The following PPP2R3B variants were observed in gnomAD, a reference collection of about 807,000 sequenced individuals.
The protein encoded by PPP2R3B is protein phosphatase 2 regulatory subunit B''beta.
In PPP2R3B, 68 loss-of-function variants were observed where a neutral mutation model predicts 72.9. The ratio of observed to expected loss-of-function variants is 0.93; its 90% CI spans 0.77 to 1.14. The LOEUF (loss-of-function observed/expected upper bound fraction) is 1.14. Ranked by LOEUF, PPP2R3B falls within the 50% of genes most tolerant of loss-of-function variation. The pLI, the probability that PPP2R3B is intolerant of heterozygous loss-of-function variation, is 0.00. For missense variants in PPP2R3B, 1,018 were observed against 842.0 expected (o/e 1.21, Z -2.59); for synonymous variants, 466 against 375.8 (o/e 1.24, Z -2.78).
Position 341,814 on chromosome X carries a change from A to C in PPP2R3B, c.1085+69T>G, listed in dbSNP as rs985816941. 1.9e-6 allele frequency: 3 copies of C among 1,547,768 alleles called. No individual in the cohort carries two copies. The African/African-American group carries it at 4.1e-5, about 21-fold the overall frequency. On this transcript the variant is annotated intron_variant, in intron 8 of 12. Coordinates refer to ENST00000390665, the MANE Select transcript of PPP2R3B (RefSeq NM_013239.5). The stretch of plus-strand genomic sequence containing the variant: ...GGGCACAAAAAGCTCACGTCAGGCA[A>C]CGATGAGGAGAGGGACCGGGGTCCT...
At chrX:384,667 G>C (rs373258748) in intron 1 of PPP2R3B, among the ~76,000 whole-genome samples, 4 of 151,960 alleles carry the variant, frequency 2.6e-5, no homozygotes, top group Admixed American at 6.6e-5. Context: ...TCCACCAGCC[G>C]TAACTACAGC....
At chrX:344,011 G>A (rs1330666585) in intron 7 of PPP2R3B, among the ~76,000 whole-genome samples, 306 of 81,406 alleles carry the variant, frequency 3.8e-3, no homozygotes, top group Admixed American at 7.1e-3. Flanking sequence ...GGGAGACGTC[G>A]CCAAGGAGAG....
At chrX:338,203 G>A (rs2070942336) in intron 12 of PPP2R3B, 2 of 356,410 alleles carry the variant, frequency 5.6e-6, no homozygotes, top group Non-Finnish European at 1.1e-5. Context: ...GGCCTCTCAG[G>A]GCCTCCAAGG....
intron 2 of PPP2R3B, among the ~76,000 whole-genome samples, chrX:350,820 G>A (rs2071315212): frequency 6.6e-6 from 1 of 152,216 alleles, no homozygotes; most frequent in African/African-American, 2.4e-5. Flanking sequence ...CCCGTGGCCC[G>A]GCCAGGACAT....
At position 338,375 on chromosome X, in the gene PPP2R3B, C is replaced by T. The variant is rs1329142719; in HGVS notation, c.1577+229G>A. ...TCGCGCCCAGGATCACAGAACCCCA[C>T]GCGGGGAATGACGGGCAGACTGCAC... On this transcript the variant is annotated intron_variant, in intron 12 of 12. Coordinates refer to ENST00000390665, the MANE Select transcript of PPP2R3B (RefSeq NM_013239.5). The T allele has an allele frequency of 1.8e-4, 109 of 607,638 alleles. 3 individuals carry two copies. The highest frequency in any genetic ancestry group is 8.6e-4 in the South Asian group (45 of 52,110). The allele number at this position is 607,638 out of a possible 1,614,324, so 37.6% of individuals were successfully genotyped here.
At chrX:346,500 G>T in intron 5 of PPP2R3B, 1 of 632,158 alleles carries the variant, frequency 1.6e-6, no homozygotes, top group South Asian at 2.0e-5. Flanking sequence ...TGGGAAGGGG[G>T]TGCGGCCACC....
chrX:381,978 T>C (rs1464033246), intron 1 of PPP2R3B, among the ~76,000 whole-genome samples: 3 of 152,138 alleles, frequency 2.0e-5, no homozygotes, highest in African/African-American at 7.2e-5. Flanking sequence ...AAGTAAGCCA[T>C]AGGTTCCAAA....
chrX:345,646 C>T lies in PPP2R3B; in HGVS notation c.906G>A (p.Ala302=), dbSNP rs184294891. The T allele has an allele frequency of 3.3e-3, 5,326 of 1,612,852 alleles. 148 individuals carry two copies. In the African/African-American group the frequency reaches 0.063, roughly 19 times the overall value. ...LQNVALLEEE[A]DINQLTEFFS... is the part of the protein sequence containing the mutation. ...AGAATTCGGTCAGCTGGTTGATGTC[C>T]GCCTCCTCCTCCAGCAGCGCCACAT... Residue 302 remains alanine (A), a synonymous_variant, in exon 7 of 13, where the codon GCG becomes GCA. Transcript: ENST00000390665.
intron 7 of PPP2R3B, among the ~76,000 whole-genome samples, chrX:344,164 GGAGACCTCACCAACGGGAGGCGGGAGT>G (rs2071142435): frequency 6.1e-4 from 18 of 29,344 alleles, no homozygotes; most frequent in South Asian, 1.3e-3. Flanking sequence ...GAGGCGGGAG[GGAGACCTCACCAACGGGAGGCGGGAGT>G]GAGACCTCAG....
intron 1 of PPP2R3B, among the ~76,000 whole-genome samples, chrX:361,800 T>C (rs867156936): frequency 5.9e-5 from 9 of 152,136 alleles, no homozygotes; most frequent in South Asian, 4.2e-4. Flanking sequence ...CATGCTGCCA[T>C]GGACCCCACT....
Position 338,660 on chromosome X carries a change from G to T in PPP2R3B, c.1521C>A (p.Ala507=). ...CGGCCACCAGGATGTCGTACTCCTC[G>T]GCCGCGTACTTCTCCCAGTCCGAGA... ...PELSDWEKYA[A]EEYDILVAEE... is the part of the protein sequence containing the mutation. Residue 507 remains alanine, a synonymous_variant, in exon 12 of 13, where the codon GCC becomes GCA. Coordinates refer to ENST00000390665, the MANE Select transcript of PPP2R3B (RefSeq NM_013239.5). 6.2e-7 allele frequency: 1 copy of T among 1,611,270 alleles called. No individual in the cohort carries two copies. The highest frequency in any genetic ancestry group is 8.5e-7 in the Non-Finnish European group (1 of 1,179,628).
At chrX:353,856 G>GGGGGCTCACCCAGGGAGCA (rs1479841375) in intron 2 of PPP2R3B, among the ~76,000 whole-genome samples, 17,390 of 109,908 alleles carry the variant, frequency 0.16, 3,368 homozygotes, top group Admixed American at 0.26. Flanking sequence ...CCCAGGGACC[G>GGGGGCTCACCCAGGGAGCA]GGGGCTCACC....
chrX:338,402 G>T lies in PPP2R3B; in HGVS notation c.1577+202C>A, dbSNP rs1318728739. 6.4e-6 allele frequency: 4 copies of T among 626,626 alleles called. No individual in the cohort carries two copies. In the African/African-American group the frequency reaches 7.3e-5, roughly 11 times the overall value. The allele number at this position is 626,626 out of a possible 1,614,324, so 38.8% of individuals were successfully genotyped here. On this transcript the variant is annotated intron_variant, in intron 12 of 12. Coordinates refer to ENST00000390665, the MANE Select transcript of PPP2R3B (RefSeq NM_013239.5). ...CGGGGAATGACGGGCAGACTGCACCGAGGCCCGGCCCTGTCATCGGCTGTC... is the reference window on the plus strand; with the variant it reads ...CGGGGAATGACGGGCAGACTGCACCTAGGCCCGGCCCTGTCATCGGCTGTC...
chrX:343,606 C>G (rs1425010553), intron 7 of PPP2R3B, among the ~76,000 whole-genome samples: 25 of 1,786 alleles, frequency 0.014, 5 homozygotes, highest in Non-Finnish European at 0.02. Context: ...TGAGACCTCG[C>G]CAACGGGAGG....
chrX:380,327 A>G (rs1464834716), intron 1 of PPP2R3B, among the ~76,000 whole-genome samples: 2 of 152,208 alleles, frequency 1.3e-5, no homozygotes, highest in Non-Finnish European at 2.9e-5. Flanking sequence ...AGGACTTGCC[A>G]ACAGTTGTAT....
chrX:385,816 C>G (rs28501469), intron 1 of PPP2R3B, among the ~76,000 whole-genome samples: 4,007 of 152,048 alleles, frequency 0.026, 174 homozygotes, highest in African/African-American at 0.092. Flanking sequence ...CGCAGTGACT[C>G]ACGTCTGAAA....
chrX:364,441 G>C (rs888006862), intron 1 of PPP2R3B, among the ~76,000 whole-genome samples: 1 of 147,346 alleles, frequency 6.8e-6, no homozygotes, highest in Admixed American at 6.8e-5. Context: ...GGCTGAGGGG[G>C]ACAGACTGTC....
At chrX:341,228 A>G in intron 9 of PPP2R3B, 79 bp downstream of exon 9, 1 of 1,510,232 alleles carries the variant, frequency 6.6e-7, no homozygotes, top group Non-Finnish European at 9.2e-7. Flanking sequence ...GCGTGCAGGC[A>G]TCCGCCTGGG....
chrX:361,268 CGT>C (rs1225018914), intron 2 of PPP2R3B, 135 bp downstream of exon 2: 1 of 954,448 alleles, frequency 1.0e-6, no homozygotes, highest in African/African-American at 1.7e-5. Flanking sequence ...CTCCCGCACA[CGT>C]GTGAAACGCA....
Sources: gnomAD v4.1 joint callset for allele counts (sites outside exome capture counted in the v4.1 genomes callset) on GRCh38, gnomAD v4.1.1 for gene constraint, MANE v1.5 for transcripts, NCBI Gene and HGNC (gene_info 2026-07-23, HGNC 2026-07-21) for gene names.